The following ORC2 variants were observed in gnomAD, a reference collection of about 807,000 sequenced individuals.
The protein encoded by ORC2 is origin recognition complex subunit 2, also known as origin recognition complex protein 2 homolog.
A neutral mutation model predicts 77.7 loss-of-function variants in ORC2; 37 were observed. That is an observed-to-expected ratio of 0.48 (90% CI 0.37 to 0.63). The LOEUF is 0.63. Among genes scored for constraint, ORC2 ranks in the 20% least tolerant of loss-of-function variants. The pLI is 0.00. For missense variants in ORC2, 557 were observed against 661.9 expected, an observed-to-expected ratio of 0.84 and a Z score of 1.74; for synonymous variants, 201 against 229.5, an observed-to-expected ratio of 0.88 and a Z score of 1.12.
In ORC2 at chr2:200,914,005, A is replaced by AC. The variant is rs760755962; in HGVS notation, c.1467-14_1467-13insG. ...CCTGAAAATTCCCCTAAAAAAAAAA[A>AC]AAAACAGGAATTTAAATCCAAAAAT... On this transcript the variant is annotated splice_polypyrimidine_tract_variant and intron_variant, in intron 15 of 17. Coordinates refer to ENST00000234296, the MANE Select transcript of ORC2 (RefSeq NM_006190.5). The AC allele has an allele frequency of 9.8e-6, 15 of 1,529,896 alleles. No individual in the cohort carries two copies. The highest frequency in any genetic ancestry group is 3.9e-5 in the Admixed American group (2 of 51,080). The allele number at this position is 1,529,896 out of a possible 1,614,324, so 94.8% of individuals were successfully genotyped here.
intron 12 of ORC2, among the ~76,000 whole-genome samples, chr2:200,926,163 G>A (rs1268029926): frequency 6.6e-6 from 1 of 152,096 alleles, no homozygotes; most frequent in Admixed American, 6.6e-5. Context: ...CAGGTAATAG[G>A]TAATATAAGA....
Position 200,913,511 on chromosome 2 carries a change from C to T in ORC2, c.1529-98G>A, listed in dbSNP as rs867942050. 17 of 1,419,750 alleles carry T rather than the reference C, an allele frequency of 1.2e-5. No individual in the cohort carries two copies. In the Middle Eastern group the frequency reaches 3.0e-3, roughly 254 times the overall value. 87.9% of individuals were successfully genotyped at this position (1,419,750 alleles called of 1,614,324 possible). A position where few individuals can be genotyped will look rare whatever the true frequency, so the allele number is the denominator to read the frequency against. ...AAGAACAGAATAAAAGTGCTATTTG[C>T]ATGTTATCCCAGAGCAGTGAACAAG... is the stretch of plus-strand genomic sequence containing the variant. On this transcript the variant is annotated intron_variant, in intron 16 of 17. Transcript: ENST00000234296.
chr2:200,948,622 G>A (rs2041294295), intron 5 of ORC2, among the ~76,000 whole-genome samples: 1 of 152,020 alleles, frequency 6.6e-6, no homozygotes, highest in South Asian at 2.1e-4. Context: ...GAGTGCAATG[G>A]CACAATCTCG....
intron 2 of ORC2, among the ~76,000 whole-genome samples, 155 bp downstream of exon 2, chr2:200,959,237 C>A (rs1415611164): frequency 2.6e-5 from 4 of 152,194 alleles, no homozygotes; most frequent in African/African-American, 7.2e-5. Context: ...CCCACCTCAC[C>A]CTCCCAAACC....
intron 14 of ORC2, 106 bp downstream of exon 14, chr2:200,920,887 G>T: frequency 2.9e-6 from 2 of 681,016 alleles, no homozygotes; most frequent in Non-Finnish European, 2.1e-6. Flanking sequence ...CATGTAAAAG[G>T]GGAAAAAGCG....
At chr2:200,945,931 T>C (rs914653159) in intron 5 of ORC2, among the ~76,000 whole-genome samples, 1 of 152,174 alleles carries the variant, frequency 6.6e-6, no homozygotes, top group African/African-American at 2.4e-5. Context: ...AGTAGTGGGA[T>C]TGCTGGATCT....
chr2:200,949,975 T>C (rs949574003), intron 4 of ORC2, among the ~76,000 whole-genome samples: 1 of 152,204 alleles, frequency 6.6e-6, no homozygotes, highest in Non-Finnish European at 1.5e-5. Context: ...GTTATATTTA[T>C]TTTCTGAAGC....
chr2:200,912,612 G>A (rs2040571162), intron 17 of ORC2, among the ~76,000 whole-genome samples: 1 of 151,794 alleles, frequency 6.6e-6, no homozygotes, highest in African/African-American at 2.4e-5. Context: ...TTCATAGACA[G>A]GGTCTCCTGT....
chr2:200,949,588 C>T lies in ORC2; in HGVS notation c.294G>A (p.Gln98=). 6.3e-7 allele frequency: 1 copy of T among 1,599,910 alleles called. No individual in the cohort carries two copies. Among genetic ancestry groups the T allele is most frequent in the Non-Finnish European group, 8.6e-7 (1 of 1,169,528 alleles). ...TGGGNKVYSF[Q]NRKHSEKMAK... ...CCATCTTTTCAGAGTGTTTTCTATTCTGAAAAGAATAAACTTTATTTCCAC... is the reference window on the plus strand; with the variant it reads ...CCATCTTTTCAGAGTGTTTTCTATTTTGAAAAGAATAAACTTTATTTCCAC... The change falls in exon 5 of 18, where the codon CAG becomes CAA. Residue 98 remains glutamine, a synonymous_variant. Coordinates refer to ENST00000234296, the MANE Select transcript of ORC2 (RefSeq NM_006190.5).
intron 4 of ORC2, among the ~76,000 whole-genome samples, chr2:200,952,780 T>C (rs1192044899): frequency 6.6e-6 from 1 of 151,442 alleles, no homozygotes; most frequent in Non-Finnish European, 1.5e-5. Context: ...AAAATTCCAG[T>C]TGATGCATTA....
intron 13 of ORC2, among the ~76,000 whole-genome samples, chr2:200,922,877 T>C (rs2040783167): frequency 6.6e-6 from 1 of 152,218 alleles, no homozygotes; most frequent in Non-Finnish European, 1.5e-5. Context: ...GGAGAACTTA[T>C]GTTGAAAACT....
intron 4 of ORC2, among the ~76,000 whole-genome samples, chr2:200,952,139 A>G (rs1335853078): frequency 6.6e-6 from 1 of 152,128 alleles, no homozygotes; most frequent in Non-Finnish European, 1.5e-5. Context: ...CTTCTACAGT[A>G]TATCTAGTTT....
intron 15 of ORC2, among the ~76,000 whole-genome samples, chr2:200,916,575 T>G (rs780990383): frequency 2.6e-5 from 4 of 152,188 alleles, no homozygotes; most frequent in Non-Finnish European, 5.9e-5. Context: ...ACACAGCAAC[T>G]TCCAACAGTC....
At chr2:200,957,133 T>C (rs2041480329) in intron 4 of ORC2, among the ~76,000 whole-genome samples, 1 of 152,184 alleles carries the variant, frequency 6.6e-6, no homozygotes, top group Non-Finnish European at 1.5e-5. Flanking sequence ...GTAACAAGCC[T>C]GCACATTGTA....
intron 4 of ORC2, among the ~76,000 whole-genome samples, chr2:200,954,853 CA>C (rs902141535): frequency 6.7e-6 from 1 of 148,798 alleles, no homozygotes; most frequent in African/African-American, 2.5e-5. Flanking sequence ...GGCATGATGC[CA>C]AAAAATAAGG....
Position 200,949,610 on chromosome 2 carries a change from C to G in ORC2, c.272G>C (p.Gly91Ala), listed in dbSNP as rs760699703. The G allele has an allele frequency of 2.5e-6, 4 of 1,602,978 alleles. No homozygotes were observed. In the South Asian group the frequency reaches 3.3e-5, roughly 13 times the overall value. ...SLKNGSATGG[G>A]NKVYSFQNRK... The stretch of plus-strand genomic sequence containing the variant: ...ATTCTGAAAAGAATAAACTTTATTT[C>G]CACCACCTGTAGCAGAGCCATTTTT... The change falls in exon 5 of 18, where the codon GGA (glycine) becomes GCA (alanine). Residue 91 changes from glycine to alanine, a missense_variant. Gly to Ala is a moderately conservative substitution (Grantham distance 60). Transcript: ENST00000234296.
intron 17 of ORC2, among the ~76,000 whole-genome samples, chr2:200,912,709 C>A (rs752318176): frequency 1.7e-4 from 26 of 152,284 alleles, no homozygotes; most frequent in Non-Finnish European, 3.5e-4. Flanking sequence ...CGTGAGCCAC[C>A]ACGCCTGGCC....
At chr2:200,950,796 CTTA>C (rs933983670) in intron 4 of ORC2, among the ~76,000 whole-genome samples, 65 of 152,248 alleles carry the variant, frequency 4.3e-4, no homozygotes, top group African/African-American at 1.6e-3. Context: ...GCTCATCCTC[CTTA>C]TTAAGCTTTC....
intron 15 of ORC2, among the ~76,000 whole-genome samples, chr2:200,916,785 CTCCGCCTCCTGGGT>C (rs1352393295): frequency 8.6e-5 from 13 of 151,914 alleles, no homozygotes; most frequent in Admixed American, 8.5e-4. Flanking sequence ...TCACTGCAAG[CTCCGCCTCCTGGGT>C]TCACGCCATT....
Sources: gnomAD v4.1 joint callset for allele counts (sites outside exome capture counted in the v4.1 genomes callset) on GRCh38, gnomAD v4.1.1 for gene constraint, MANE v1.5 for transcripts, NCBI Gene and HGNC (gene_info 2026-07-23, HGNC 2026-07-21) for gene names.